The following ZMIZ1 variants were observed in gnomAD, a reference collection of about 807,000 sequenced individuals.
ZMIZ1 encodes zinc finger MIZ domain-containing protein 1.
In ZMIZ1, 17 loss-of-function variants were observed where a neutral mutation model predicts 113.9. That is an observed-to-expected ratio of 0.15 (90% CI 0.10 to 0.22). ZMIZ1 has a LOEUF of 0.22. Among genes scored for constraint, ZMIZ1 ranks in the 10% least tolerant of loss-of-function variants. The probability of loss-of-function intolerance (pLI) is 1.00; values close to 1 mark genes in which losing one functional copy is unlikely to be tolerated. For missense variants in ZMIZ1, 1,059 were observed against 1,477.8 expected, an observed-to-expected ratio of 0.72 and a Z score of 4.65; for synonymous variants, 607 against 603.1, an observed-to-expected ratio of 1.01 and a Z score of -0.09.
At chr10:79,270,990 C>A (rs1226550149) in intron 7 of ZMIZ1, among the ~76,000 whole-genome samples, 1 of 152,204 alleles carries the variant, frequency 6.6e-6, no homozygotes, top group African/African-American at 2.4e-5. Context: ...CCAGCTGAAG[C>A]AGAGGCACAG....
At position 79,297,553 on chromosome 10, in the gene ZMIZ1, G is replaced by A. The variant is rs1589592803; in HGVS notation, c.1414-60G>A. On this transcript the variant is annotated intron_variant, in intron 13 of 24. Coordinates refer to ENST00000334512, the MANE Select transcript of ZMIZ1 (RefSeq NM_020338.4). ...TGGTAGATTTTACTGTCCAGAGGGA[G>A]AGCGGGCTTCTGATGGCTTTTCTGC... 12 of 1,433,620 alleles carry A rather than the reference G, an allele frequency of 8.4e-6. No homozygotes were observed. In the East Asian group the frequency reaches 2.7e-4, roughly 33 times the overall value. 88.8% of individuals were successfully genotyped at this position (1,433,620 alleles called of 1,614,324 possible). A position where few individuals can be genotyped will look rare whatever the true frequency, so the allele number is the denominator to read the frequency against.
intron 7 of ZMIZ1, among the ~76,000 whole-genome samples, chr10:79,246,583 A>C (rs574927817): frequency 1.3e-5 from 2 of 151,952 alleles, no homozygotes; most frequent in East Asian, 3.9e-4. Flanking sequence ...AGGGAGAAGG[A>C]TTTCGGGACC....
chr10:79,306,803 AG>A (rs1854732128), intron 22 of ZMIZ1, among the ~76,000 whole-genome samples: 1 of 152,076 alleles, frequency 6.6e-6, no homozygotes, highest in African/African-American at 2.4e-5. Context: ...ACTGGGTGGC[AG>A]CTCCCCCTGG....
At chr10:79,096,480 C>T (rs943979794) in intron 1 of ZMIZ1, among the ~76,000 whole-genome samples, 1 of 152,086 alleles carries the variant, frequency 6.6e-6, no homozygotes, top group Non-Finnish European at 1.5e-5. Flanking sequence ...CCACTGCACT[C>T]CAGCCTGGGC....
At chr10:79,105,906 C>G (rs759554433) in intron 1 of ZMIZ1, among the ~76,000 whole-genome samples, 1 of 152,202 alleles carries the variant, frequency 6.6e-6, no homozygotes, top group Non-Finnish European at 1.5e-5. Context: ...TTGCCCTTCC[C>G]CTAAGTGCTC....
chr10:79,247,117 C>G (rs544630183), intron 7 of ZMIZ1, among the ~76,000 whole-genome samples: 7 of 152,352 alleles, frequency 4.6e-5, no homozygotes, highest in African/African-American at 1.4e-4. Context: ...ATGGCCCTGA[C>G]CTGACTGAAG....
At chr10:79,297,815 G>A in intron 14 of ZMIZ1, 125 bp downstream of exon 14, 6 of 768,892 alleles carry the variant, frequency 7.8e-6, no homozygotes, top group Non-Finnish European at 1.3e-5. Flanking sequence ...TGCACTCCCT[G>A]GTCCCCTGTC....
At position 79,165,122 on chromosome 10, in the gene ZMIZ1, C is replaced by T. The variant is rs1267375149; in HGVS notation, c.-50+2989C>T. On this transcript the variant is annotated intron_variant, in intron 4 of 24. Coordinates refer to ENST00000334512, the MANE Select transcript of ZMIZ1 (RefSeq NM_020338.4). ...GCCCTTGTCTGGGAGGTGGGGGCCT[C>T]AGACCTAGGTCTGATATGCTGGTCT... 5.3e-5 allele frequency among the ~76,000 whole-genome samples: 8 copies of T among 152,170 alleles called. No homozygotes were observed. The East Asian group carries it at 1.5e-3, about 29-fold the overall frequency.
chr10:79,279,006 G>C (rs899745304), intron 8 of ZMIZ1, among the ~76,000 whole-genome samples: 1 of 151,710 alleles, frequency 6.6e-6, no homozygotes, highest in East Asian at 1.9e-4. Flanking sequence ...CTTCCCAGAC[G>C]GGGTGGCCGG....
chr10:79,313,827 C>A lies in ZMIZ1; in HGVS notation c.*1078C>A. 2.8e-6 allele frequency: 1 copy of A among 356,726 alleles called. No homozygotes were observed. The highest frequency in any genetic ancestry group is 2.1e-5 in the South Asian group (1 of 48,388). 22.1% of individuals were successfully genotyped at this position (356,726 alleles called of 1,614,324 possible). A position where few individuals can be genotyped will look rare whatever the true frequency, so the allele number is the denominator to read the frequency against. The stretch of plus-strand genomic sequence containing the variant: ...CGTGGGACACCCACTTCCCTCTGTC[C>A]TAGTTCTCTTTGTCCAATCAGATGG... On this transcript the variant is annotated 3_prime_UTR_variant, in exon 25 of 25. Coordinates refer to ENST00000334512, the MANE Select transcript of ZMIZ1 (RefSeq NM_020338.4).
chr10:79,232,730 G>A (rs565283802), intron 7 of ZMIZ1, among the ~76,000 whole-genome samples: 1 of 152,274 alleles, frequency 6.6e-6, no homozygotes, highest in Admixed American at 6.5e-5. Context: ...GCAAAATACT[G>A]CATGCACATC....
intron 23 of ZMIZ1, among the ~76,000 whole-genome samples, chr10:79,310,586 G>A (rs1181573910): frequency 1.3e-5 from 2 of 152,020 alleles, no homozygotes; most frequent in Non-Finnish European, 2.9e-5. Context: ...TCCTGCCCTC[G>A]CTGTTGTTCG....
intron 6 of ZMIZ1, among the ~76,000 whole-genome samples, chr10:79,209,560 C>T (rs539804828): frequency 8.5e-5 from 13 of 152,306 alleles, no homozygotes; most frequent in African/African-American, 2.2e-4. Flanking sequence ...TCTGGCCAGG[C>T]GGGAACAGCG....
At chr10:79,139,142 A>T (rs1325183032) in intron 2 of ZMIZ1, among the ~76,000 whole-genome samples, 1 of 152,218 alleles carries the variant, frequency 6.6e-6, no homozygotes, top group African/African-American at 2.4e-5. Context: ...GTGCGTACAC[A>T]CATAAAATGG....
intron 1 of ZMIZ1, among the ~76,000 whole-genome samples, chr10:79,096,568 G>C (rs929354468): frequency 6.6e-6 from 1 of 151,574 alleles, no homozygotes; most frequent in African/African-American, 2.4e-5. Flanking sequence ...CCTCCAGCAC[G>C]TGGAGGTGAG....
rs556578843 is a variant in ZMIZ1 at position 79,267,114 on chromosome 10, C to G, written c.281-10067C>G. 4.6e-4 allele frequency among the ~76,000 whole-genome samples: 70 copies of G among 152,358 alleles called. No individual in the cohort carries two copies. The South Asian group carries it at 9.1e-3, about 20-fold the overall frequency. On this transcript the variant is annotated intron_variant, in intron 7 of 24. Transcript: ENST00000334512. ...GTCTGCCTAGACCAGCCTCCTGGCA[C>G]TGCTTGGCCTGAGAGCAGAGTCAGA...
At chr10:79,150,483 G>T (rs950318299) in intron 3 of ZMIZ1, among the ~76,000 whole-genome samples, 2 of 152,200 alleles carry the variant, frequency 1.3e-5, no homozygotes, top group African/African-American at 4.8e-5. Context: ...TGTGACCCTT[G>T]GGGACCTAGC....
chr10:79,161,909 G>A lies in ZMIZ1; in HGVS notation c.-130-144G>A, dbSNP rs939741975. On this transcript the variant is annotated intron_variant, in intron 3 of 24. Coordinates refer to ENST00000334512, the MANE Select transcript of ZMIZ1 (RefSeq NM_020338.4). ...GGCAGGTGTGGGGAGTCAGGGGCCTGTTTATGCCAGGGCACCCCATCATGT... is the reference window on the plus strand; with the variant it reads ...GGCAGGTGTGGGGAGTCAGGGGCCTATTTATGCCAGGGCACCCCATCATGT... 6.5e-5 allele frequency: 26 copies of A among 398,000 alleles called. 3 individuals are homozygous for A. The highest frequency in any genetic ancestry group is 4.8e-4 in the Admixed American group (11 of 22,698). 24.7% of individuals were successfully genotyped at this position (398,000 alleles called of 1,614,324 possible).
chr10:79,271,093 G>A (rs1851921482), intron 7 of ZMIZ1, among the ~76,000 whole-genome samples: 1 of 152,218 alleles, frequency 6.6e-6, no homozygotes, highest in Non-Finnish European at 1.5e-5. Context: ...TCAGAAGGAG[G>A]CAGGGGGAAG....
Sources: allele counts gnomAD v4.1 joint callset (sites outside exome capture counted in the v4.1 genomes callset), GRCh38; gene constraint gnomAD v4.1.1; transcripts MANE v1.5; gene names NCBI Gene and HGNC (gene_info 2026-07-23, HGNC 2026-07-21).